The following COPG1 variants were observed in gnomAD, a reference collection of about 807,000 sequenced individuals.
COPG1 encodes coat protein complex I subunit gamma 1.
In COPG1, 29 loss-of-function variants were observed where a neutral mutation model predicts 102.8. The ratio of observed to expected loss-of-function variants is 0.28; its 90% CI spans 0.21 to 0.38. The LOEUF (loss-of-function observed/expected upper bound fraction) is 0.38, where lower values mean the gene tolerates loss of function less well. COPG1 is among the 10% of genes least tolerant of loss of function. The pLI is 1.00. For synonymous variants in COPG1, 406 were observed against 421.6 expected (o/e 0.96, Z 0.45); for missense variants, 875 against 1,132.7 (o/e 0.77, Z 3.27).
At chr3:129,263,595 T>A (rs1451609007) in intron 12 of COPG1, among the ~76,000 whole-genome samples, 2 of 151,678 alleles carry the variant, frequency 1.3e-5, no homozygotes, top group African/African-American at 2.4e-5. Flanking sequence ...GAGCCAGTGG[T>A]AGGGAGAGAA....
Position 129,277,598 on chromosome 3 carries a change from T to G in COPG1, c.*174T>G. On this transcript the variant is annotated 3_prime_UTR_variant, in exon 24 of 24. Transcript: ENST00000314797. The stretch of plus-strand genomic sequence containing the variant: ...CCTCCCACCCGGGACTACTTGCTGG[T>G]GACTTTTTTTTTTTTTTTTTTTAAA... The G allele has an allele frequency of 4.2e-6, 2 of 481,800 alleles. No individual in the cohort carries two copies. Among genetic ancestry groups the G allele is most frequent in the Non-Finnish European group, 7.0e-6 (2 of 286,242 alleles). 29.8% of individuals were successfully genotyped at this position (481,800 alleles called of 1,614,324 possible).
In COPG1 at chr3:129,260,817, AC is replaced by A. The variant is rs558785051; in HGVS notation, c.1128+15del. On this transcript the variant is annotated intron_variant, in intron 12 of 23. Coordinates refer to ENST00000314797, the MANE Select transcript of COPG1 (RefSeq NM_016128.4). ...CTCGGATGAATTCAAGGTACCTGCT[AC>A]CCCCAGGACACCCACGGCCCCCAGA... 4.9e-4 allele frequency: 788 copies of A among 1,610,392 alleles called. 2 individuals are homozygous for A. Among genetic ancestry groups the A allele is most frequent in the Middle Eastern group, 2.5e-3 (11 of 4,488 alleles).
chr3:129,254,589 G>T, intron 5 of COPG1, 79 bp from the exon 6 acceptor site: 1 of 1,038,614 alleles, frequency 9.6e-7, no homozygotes, highest in Non-Finnish European at 1.5e-6. Flanking sequence ...AGTAATCTGG[G>T]CAAGGGTGGT....
chr3:129,265,421 G>A, intron 13 of COPG1, 128 bp from the exon 14 acceptor site: 1 of 1,113,014 alleles, frequency 9.0e-7, no homozygotes, highest in South Asian at 1.5e-5. Context: ...AAGAGTGATA[G>A]AGGCCCAGAG....
chr3:129,255,500 T>G (rs1356998302), intron 7 of COPG1, among the ~76,000 whole-genome samples: 1 of 148,608 alleles, frequency 6.7e-6, no homozygotes, highest in Non-Finnish European at 1.5e-5. Context: ...TTTTTTTTTT[T>G]GAGACAGAGT....
Position 129,252,828 on chromosome 3 carries a change from G to T in COPG1, c.244-48G>T, listed in dbSNP as rs750843500. ...CAGGAGGTATCTTCTCCCAACTCTG[G>T]CCCTTGGTGAGCCCGGGCTGATAGG... On this transcript the variant is annotated intron_variant, in intron 4 of 23. Coordinates refer to ENST00000314797, the MANE Select transcript of COPG1 (RefSeq NM_016128.4). 11 of 1,595,900 alleles carry T rather than the reference G, an allele frequency of 6.9e-6. No homozygotes were observed. In the South Asian group the frequency reaches 1.2e-4, roughly 18 times the overall value.
chr3:129,272,500 C>A, intron 20 of COPG1, 85 bp downstream of exon 20: 1 of 1,123,480 alleles, frequency 8.9e-7, no homozygotes, highest in Non-Finnish European at 1.3e-6. Flanking sequence ...CAGCTGTTTG[C>A]CTTCTATTAG....
chr3:129,253,817 T>A (rs751763178), intron 5 of COPG1, among the ~76,000 whole-genome samples: 1 of 152,044 alleles, frequency 6.6e-6, no homozygotes, highest in Non-Finnish European at 1.5e-5. Flanking sequence ...CTGGCCAACA[T>A]GGTGAAACCC....
Position 129,254,125 on chromosome 3 carries a change from C to T in COPG1, c.324-543C>T, listed in dbSNP as rs1351072131. Among the ~76,000 whole-genome samples the T allele has an allele frequency of 2.6e-5, 4 of 151,936 alleles. No homozygotes were observed. The South Asian group carries it at 8.3e-4, about 31-fold the overall frequency. On this transcript the variant is annotated intron_variant, in intron 5 of 23. Coordinates refer to ENST00000314797, the MANE Select transcript of COPG1 (RefSeq NM_016128.4). Reference sequence around the variant, plus strand: ...CAGCCTGGCCAACATAGTGAAACCCCCTCTCTACTAAAAATACAAAAATTA... The same window carrying T: ...CAGCCTGGCCAACATAGTGAAACCCTCTCTCTACTAAAAATACAAAAATTA...
chr3:129,254,529 G>T (rs1939766438), intron 5 of COPG1, 139 bp from the exon 6 acceptor site: 1 of 601,358 alleles, frequency 1.7e-6, no homozygotes. Flanking sequence ...TGTGGAGTTA[G>T]GCTTGGAGGG....
Position 129,277,380 on chromosome 3 carries a change from T to C in COPG1, c.2581T>C (p.Leu861=), listed in dbSNP as rs1940297572. 6 of 1,614,000 alleles carry C rather than the reference T, an allele frequency of 3.7e-6. No individual in the cohort carries two copies. Among genetic ancestry groups the C allele is most frequent in the Non-Finnish European group, 5.1e-6 (6 of 1,179,968 alleles). Residue 861 remains leucine (L), a synonymous_variant, in exon 24 of 24, where the codon TTG becomes CTG. Coordinates refer to ENST00000314797, the MANE Select transcript of COPG1 (RefSeq NM_016128.4). ...TVTMQVTARS[L]EELPVDIILA... is the part of the protein sequence containing the mutation. ...GACAATGCAGGTGACAGCCAGAAGT[T>C]TGGAGGAGCTGCCAGTAGACATCAT... is the stretch of plus-strand genomic sequence containing the variant.
In COPG1 at chr3:129,277,373, C is replaced by T; in HGVS notation, c.2574C>T (p.Ala858=). The change falls in exon 24 of 24, where the codon GCC becomes GCT. Residue 858 remains alanine (A), a synonymous_variant. Transcript: ENST00000314797. ...LLDTVTMQVT[A]RSLEELPVDI... is the part of the protein sequence containing the mutation. ...ACACAGTGACAATGCAGGTGACAGC[C>T]AGAAGTTTGGAGGAGCTGCCAGTAG... 6.2e-7 allele frequency: 1 copy of T among 1,613,990 alleles called. No individual in the cohort carries two copies. The highest frequency in any genetic ancestry group is 8.5e-7 in the Non-Finnish European group (1 of 1,179,990).
In COPG1 at chr3:129,266,891, T is replaced by G. The variant is rs1940070855; in HGVS notation, c.1469-133T>G. On this transcript the variant is annotated intron_variant, in intron 14 of 23. Coordinates refer to ENST00000314797, the MANE Select transcript of COPG1 (RefSeq NM_016128.4). ...AGCCACTCACTCTGTTGGTAGTGAC[T>G]TTGGGCCTCCTGGCTTGAGACTTCT... 4.1e-6 allele frequency: 3 copies of G among 725,906 alleles called. No homozygotes were observed. The Admixed American group carries it at 5.8e-5, about 14-fold the overall frequency. The allele number at this position is 725,906 out of a possible 1,614,324, so 45.0% of individuals were successfully genotyped here.
Position 129,254,966 on chromosome 3 carries a change from C to T in COPG1, c.400-19C>T. 1.2e-6 allele frequency: 2 copies of T among 1,606,728 alleles called. No homozygotes were observed. Among genetic ancestry groups the T allele is most frequent in the Non-Finnish European group, 1.7e-6 (2 of 1,173,200 alleles). On this transcript the variant is annotated intron_variant, in intron 6 of 23. Coordinates refer to ENST00000314797, the MANE Select transcript of COPG1 (RefSeq NM_016128.4). ...AGGACTGACTGGATCTCCTTCCACC[C>T]TGCTCCTTTTGCCCACAGAGCACCA...
chr3:129,260,747 C>G lies in COPG1; in HGVS notation c.1068C>G (p.Ser356Arg). Residue 356 changes from serine (S) to arginine (R), a missense_variant, in exon 12 of 24, where the codon AGC (serine) becomes AGG (arginine). By Grantham distance (110) the Ser-to-Arg change is moderately radical (BLOSUM62 -1). Coordinates refer to ENST00000314797, the MANE Select transcript of COPG1 (RefSeq NM_016128.4). ...TTLLKTGSES[S>R]IDRLMKQISS... ...TCCTTAAGACGGGCAGCGAGAGCAGCATCGACCGCCTCATGAAGCAGATCT... is the reference window on the plus strand; with the variant it reads ...TCCTTAAGACGGGCAGCGAGAGCAGGATCGACCGCCTCATGAAGCAGATCT... 1 of 1,613,110 alleles carries G rather than the reference C, an allele frequency of 6.2e-7. No individual in the cohort carries two copies. Among genetic ancestry groups the G allele is most frequent in the Non-Finnish European group, 8.5e-7 (1 of 1,180,010 alleles).
In COPG1 at chr3:129,252,369, G is replaced by A. The variant is rs1006847141; in HGVS notation, c.171+8G>A. On this transcript the variant is annotated splice_region_variant and intron_variant, in intron 3 of 23. Transcript: ENST00000314797. ...CTTTATCTCATAAACCAGGTAACAG[G>A]GTGAAGCTTGCGGGTAGGGAGAATG... 1 of 1,595,232 alleles carries A rather than the reference G, an allele frequency of 6.3e-7. No homozygotes were observed. The highest frequency in any genetic ancestry group is 8.6e-7 in the Non-Finnish European group (1 of 1,163,010).
At chr3:129,273,428 A>G (rs1302598747) in intron 21 of COPG1, among the ~76,000 whole-genome samples, 1 of 152,236 alleles carries the variant, frequency 6.6e-6, no homozygotes, top group East Asian at 1.9e-4. Context: ...ACAGGAAAAC[A>G]TTACTCATAA....
At chr3:129,269,023 TGCTTGGGACCTGG>T in intron 18 of COPG1, 23 bp downstream of exon 18, 3 of 1,609,232 alleles carry the variant, frequency 1.9e-6, no homozygotes, top group Non-Finnish European at 2.6e-6. Flanking sequence ...GGTTGGGGGA[TGCTTGGGACCTGG>T]GCTTAGTTTC....
chr3:129,266,989 G>GCTGT, intron 14 of COPG1, 35 bp from the exon 15 acceptor site: 1 of 1,587,660 alleles, frequency 6.3e-7, no homozygotes, highest in Non-Finnish European at 8.6e-7. Context: ...TTGTCAGGGT[G>GCTGT]CATTGGGTAA....
Sources: allele counts gnomAD v4.1 joint callset (sites outside exome capture counted in the v4.1 genomes callset), GRCh38; gene constraint gnomAD v4.1.1; transcripts MANE v1.5; gene names NCBI Gene and HGNC (gene_info 2026-07-23, HGNC 2026-07-21).